Variants in MLLT3 observed in about 807,000 individuals in gnomAD.
MLLT3 encodes the protein protein AF-9.
MLLT3 carries 4 observed loss-of-function variants against 53.2 expected under a neutral mutation model. The ratio of observed to expected loss-of-function variants is 0.08; its 90% CI spans 0.04 to 0.17. MLLT3 has a LOEUF of 0.17. MLLT3 is among the 10% of genes least tolerant of loss of function. MLLT3 has a pLI of 1.00. For missense variants in MLLT3, 569 were observed against 684.0 expected, an observed-to-expected ratio of 0.83 and a Z score of 1.87; for synonymous variants, 283 against 230.6, an observed-to-expected ratio of 1.23 and a Z score of -2.06.
intron 1 of MLLT3, 114 bp downstream of exon 1, chr9:20,622,131 C>T: frequency 1.6e-6 from 2 of 1,250,810 alleles, no homozygotes; most frequent in East Asian, 2.5e-5. Context: ...GCAAGCCGTA[C>T]CAACCTTTCT....
chr9:20,620,031 C>A lies in MLLT3; in HGVS notation c.193+623G>T, dbSNP rs1461756593. ...GGCACGCGGGGGTGGGAGGGAGGAA[C>A]GAGTAAGCCCCCCAAGTAAACATAA... On this transcript the variant is annotated intron_variant, in intron 2 of 10. Coordinates refer to ENST00000380338, the MANE Select transcript of MLLT3 (RefSeq NM_004529.4). The surrounding 1 kb of genome is among the most constrained non-coding windows in gnomAD (Gnocchi z 6.1). Among the ~76,000 whole-genome samples, 1 of 152,020 alleles carries A rather than the reference C, an allele frequency of 6.6e-6. No individual in the cohort carries two copies. The highest frequency in any genetic ancestry group is 1.5e-5 in the Non-Finnish European group (1 of 68,014).
intron 2 of MLLT3, among the ~76,000 whole-genome samples, chr9:20,458,987 C>T (rs1824041779): frequency 1.3e-5 from 2 of 152,140 alleles, no homozygotes; most frequent in South Asian, 4.1e-4. Context: ...GTCCACAGCC[C>T]TGGATTGAAT....
At chr9:20,587,317 A>G (rs1819997686) in intron 2 of MLLT3, among the ~76,000 whole-genome samples, 1 of 151,994 alleles carries the variant, frequency 6.6e-6, no homozygotes, top group South Asian at 2.1e-4. Context: ...TCCTATTATC[A>G]CTATTCTATG....
intron 4 of MLLT3, among the ~76,000 whole-genome samples, chr9:20,437,903 C>T (rs548407298): frequency 3.3e-5 from 5 of 152,274 alleles, no homozygotes; most frequent in African/African-American, 1.2e-4. Context: ...TCAGCTGGTC[C>T]TCTAGTTTTT....
chr9:20,585,916 A>G (rs1282042063), intron 2 of MLLT3, among the ~76,000 whole-genome samples: 1 of 152,200 alleles, frequency 6.6e-6, no homozygotes, highest in African/African-American at 2.4e-5. Context: ...AGTGAATAAG[A>G]ATCACCAATG....
intron 2 of MLLT3, among the ~76,000 whole-genome samples, chr9:20,535,799 A>G (rs774786541): frequency 1.4e-4 from 22 of 152,214 alleles, no homozygotes; most frequent in Non-Finnish European, 2.6e-4. Context: ...ACATCACTGC[A>G]AAAACTGTTT....
intron 4 of MLLT3, among the ~76,000 whole-genome samples, chr9:20,438,270 C>T (rs911720357): frequency 6.6e-6 from 1 of 152,186 alleles, no homozygotes; most frequent in Non-Finnish European, 1.5e-5. Context: ...ATAAATAGTG[C>T]CACTGCAAAT....
Position 20,346,379 on chromosome 9 carries a change from C to G in MLLT3, c.*64G>C. On this transcript the variant is annotated 3_prime_UTR_variant, in exon 11 of 11. Transcript: ENST00000380338. Reference sequence around the variant, plus strand: ...AACAACAAGAACAAAAAATCACAACCAAAAAAAAAAAAAACCAAAAAAAAA... The same window carrying G: ...AACAACAAGAACAAAAAATCACAACGAAAAAAAAAAAAAACCAAAAAAAAA... 1.0e-6 allele frequency: 1 copy of G among 982,276 alleles called. No homozygotes were observed. Among genetic ancestry groups the G allele is most frequent in the Non-Finnish European group, 1.3e-6 (1 of 760,718 alleles). The allele number at this position is 982,276 out of a possible 1,614,324, so 60.8% of individuals were successfully genotyped here.
rs769849920 is a variant in MLLT3, at chr9:20,414,321, G to A, written c.525C>T (p.Ser175=). ...TGCTACTGCTGCTGCTACTGCTGCT[G>A]CTGCTGCTGCTGCTGCTGCTGCTAC... The part of the protein sequence containing the change: ...SSSSSSSSSS[S]SSSSSSSSSS... The change falls in exon 5 of 11, where the codon AGC becomes AGT. Residue 175 remains serine (S), a synonymous_variant. Transcript: ENST00000380338. 8.1e-6 allele frequency: 13 copies of A among 1,605,668 alleles called. No individual in the cohort carries two copies. The highest frequency in any genetic ancestry group is 1.3e-5 in the African/African-American group (1 of 74,492).
chr9:20,371,368 T>C (rs935294571), intron 5 of MLLT3, among the ~76,000 whole-genome samples: 4 of 152,226 alleles, frequency 2.6e-5, no homozygotes, highest in African/African-American at 9.6e-5. Flanking sequence ...TCTAGAGCTT[T>C]CATAGCTAGA....
intron 2 of MLLT3, among the ~76,000 whole-genome samples, chr9:20,498,552 C>T (rs1466188743): frequency 6.6e-6 from 1 of 152,178 alleles, no homozygotes; most frequent in African/African-American, 2.4e-5. Context: ...CGACCACAGG[C>T]CACATGCAGC....
chr9:20,517,529 T>C (rs893716146), intron 2 of MLLT3, among the ~76,000 whole-genome samples: 2 of 151,586 alleles, frequency 1.3e-5, no homozygotes, highest in Non-Finnish European at 2.9e-5. Context: ...TAGATCATCC[T>C]GTGGGGTCAG....
intron 9 of MLLT3, among the ~76,000 whole-genome samples, chr9:20,354,276 T>A (rs1265793360): frequency 6.6e-6 from 1 of 152,222 alleles, no homozygotes; most frequent in Non-Finnish European, 1.5e-5. Context: ...CACGAGTCTT[T>A]GTTAGTGTAA....
chr9:20,503,926 A>G (rs1291478828), intron 2 of MLLT3, among the ~76,000 whole-genome samples: 4 of 152,236 alleles, frequency 2.6e-5, no homozygotes, highest in African/African-American at 7.2e-5. Flanking sequence ...GACGACATAC[A>G]AATAGGCAAC....
chr9:20,551,055 C>A (rs1346440964), intron 2 of MLLT3, among the ~76,000 whole-genome samples: 1 of 152,206 alleles, frequency 6.6e-6, no homozygotes, highest in Non-Finnish European at 1.5e-5. Flanking sequence ...TGGGCCACAG[C>A]ACCCAGCCAC....
At chr9:20,553,422 G>A (rs1258108055) in intron 2 of MLLT3, among the ~76,000 whole-genome samples, 1 of 152,130 alleles carries the variant, frequency 6.6e-6, no homozygotes, top group Non-Finnish European at 1.5e-5. Context: ...ATGGTGTTAG[G>A]TGCCCAGGAC....
intron 2 of MLLT3, among the ~76,000 whole-genome samples, chr9:20,608,966 TG>T (rs971908109): frequency 2.0e-5 from 3 of 151,950 alleles, no homozygotes; most frequent in African/African-American, 7.2e-5. Flanking sequence ...TCTCAAAATG[TG>T]GGGTAAAGAT....
intron 2 of MLLT3, among the ~76,000 whole-genome samples, chr9:20,536,976 C>T (rs975769355): frequency 3.7e-4 from 56 of 152,226 alleles, no homozygotes; most frequent in African/African-American, 1.3e-3. Flanking sequence ...CCGTCTGGTT[C>T]TTCATTTATA....
chr9:20,592,008 T>C (rs1820142074), intron 2 of MLLT3, among the ~76,000 whole-genome samples: 1 of 152,034 alleles, frequency 6.6e-6, no homozygotes, highest in African/African-American at 2.4e-5. Flanking sequence ...AAATTAAGAA[T>C]AGAATGAATA....
Sources: allele counts gnomAD v4.1 joint callset (sites outside exome capture counted in the v4.1 genomes callset), GRCh38; gene constraint gnomAD v4.1.1; non-coding constraint Gnocchi (gnomAD v3.1); transcripts MANE v1.5; gene names NCBI Gene and HGNC (gene_info 2026-07-23, HGNC 2026-07-21).